Variants in NAGLU observed in about 807,000 individuals in gnomAD.
NAGLU encodes N-acetyl-alpha-glucosaminidase, also known as alpha-N-acetylglucosaminidase.
Under a neutral mutation model 43.4 loss-of-function variants are expected in NAGLU, and 34 were observed. The ratio of observed to expected loss-of-function variants is 0.78; its 90% confidence interval spans 0.60 to 1.04. The LOEUF (loss-of-function observed/expected upper bound fraction) is 1.04, where lower values mean the gene tolerates loss of function less well. Ranked by LOEUF, NAGLU falls within the 50% of genes least tolerant of loss-of-function variation. The pLI is 0.00. For missense variants in NAGLU, 910 were observed against 993.7 expected (o/e 0.92, Z 1.13); for synonymous variants, 425 against 437.6 (o/e 0.97, Z 0.36).
chr17:42,536,399 G>C lies in NAGLU; in HGVS notation c.127G>C (p.Gly43Arg). Reference sequence around the variant, plus strand: ...GCTCGTGGCCCGGCTGCTGGGGCCAGGCCCCGCGGCCGACTTCTCCGTGTC... The same window carrying C: ...GCTCGTGGCCCGGCTGCTGGGGCCACGCCCCGCGGCCGACTTCTCCGTGTC... ...RALVARLLGPGPAADFSVSVE... is the reference protein window; with the variant it reads ...RALVARLLGPRPAADFSVSVE... Residue 43 changes from glycine (G) to arginine (R), a missense_variant, in exon 1 of 6, where the codon GGC (glycine) becomes CGC (arginine). By Grantham distance (125) the Gly-to-Arg change is moderately radical. Coordinates refer to ENST00000225927, the MANE Select transcript of NAGLU (RefSeq NM_000263.4). 1 of 1,229,014 alleles carries C rather than the reference G, an allele frequency of 8.1e-7. No individual in the cohort carries two copies. The highest frequency in any genetic ancestry group is 1.0e-6 in the Non-Finnish European group (1 of 977,410). 76.1% of individuals were successfully genotyped at this position (1,229,014 alleles called of 1,614,324 possible).
chr17:42,538,547 G>A (rs1290619538), intron 3 of NAGLU, 62 bp downstream of exon 3: 3 of 1,613,124 alleles, frequency 1.9e-6, no homozygotes. Flanking sequence ...CCCAGGAAGG[G>A]TGGTATTAGG....
intron 5 of NAGLU, 81 bp from the exon 6 acceptor site, chr17:42,542,947 G>A (rs976785317): frequency 1.3e-5 from 20 of 1,585,264 alleles, no homozygotes; most frequent in South Asian, 4.4e-5. Flanking sequence ...ATAGACAGTC[G>A]TCTGTAGAGT....
rs1452185692 is a variant in NAGLU at position 42,541,003 on chromosome 17, GT to G, written c.820del (p.Ser274ProfsTer26). 2 of 1,614,190 alleles carry G rather than the reference GT, an allele frequency of 1.2e-6. No individual in the cohort carries two copies. Among genetic ancestry groups the G allele is most frequent in the Non-Finnish European group, 1.7e-6 (2 of 1,180,036 alleles). On this transcript the variant is annotated frameshift_variant, in exon 5 of 6. Coordinates refer to ENST00000225927, the MANE Select transcript of NAGLU (RefSeq NM_000263.4). LOFTEE classifies it high-confidence loss of function. ...ATGGGCAGTTGGGGCCACTTTAACT[GT>G]TCCTACTCCTGCTCCTTCCTTCTGG... is the stretch of plus-strand genomic sequence containing the variant. Reference protein sequence around the residue: ...TKMGSWGHFNCSYSCSFLLAP... With the variant: ...TKMGSWGHFNXSYSCSFLLAP...
chr17:42,544,306 C>G lies in NAGLU; in HGVS notation c.*68C>G. 5.0e-6 allele frequency: 8 copies of G among 1,594,918 alleles called. No homozygotes were observed. Among genetic ancestry groups the G allele is most frequent in the Non-Finnish European group, 6.8e-6 (8 of 1,176,698 alleles). On this transcript the variant is annotated 3_prime_UTR_variant, in exon 6 of 6. Coordinates refer to ENST00000225927, the MANE Select transcript of NAGLU (RefSeq NM_000263.4). ...GCAGATTCCAGGGCCCAGAGCTGGA[C>G]AGACATCACAGGATAACCCAGGCCT... is the stretch of plus-strand genomic sequence containing the variant.
rs768251683 is a variant in NAGLU at position 42,537,382 on chromosome 17, A to G, written c.384-16A>G. ...TCCAGGGTGGGATGCGCCCCTGCTCATGACACTGCCCGCAGGTACCGCTAT... is the reference window on the plus strand; with the variant it reads ...TCCAGGGTGGGATGCGCCCCTGCTCGTGACACTGCCCGCAGGTACCGCTAT... On this transcript the variant is annotated splice_polypyrimidine_tract_variant and intron_variant, in intron 1 of 5. Transcript: ENST00000225927. 6.2e-7 allele frequency: 1 copy of G among 1,614,020 alleles called. No individual in the cohort carries two copies. Among genetic ancestry groups the G allele is most frequent in the South Asian group, 1.1e-5 (1 of 91,078 alleles).
rs755082293 is a variant in NAGLU at position 42,536,560 on chromosome 17, C to T, written c.288C>T (p.Phe96=). The T allele has an allele frequency of 5.5e-5, 81 of 1,479,024 alleles. 1 individual carries two copies. Among genetic ancestry groups the T allele is most frequent in the Non-Finnish European group, 1.1e-5 (12 of 1,121,922 alleles). The allele number at this position is 1,479,024 out of a possible 1,614,324, so 91.6% of individuals were successfully genotyped here. The change falls in exon 1 of 6, where the codon TTC becomes TTT. Residue 96 remains phenylalanine (F), a synonymous_variant. Coordinates refer to ENST00000225927, the MANE Select transcript of NAGLU (RefSeq NM_000263.4). ...GGCTGCACCGCTACCTGCGCGACTT[C>T]TGTGGCTGCCACGTGGCCTGGTCCG... The part of the protein sequence containing the change: ...AAGLHRYLRD[F]CGCHVAWSGS...
At chr17:42,543,002 C>G (rs750076356) in intron 5 of NAGLU, 26 bp from the exon 6 acceptor site, 35 of 1,598,668 alleles carry the variant, frequency 2.2e-5, no homozygotes, top group Non-Finnish European at 3.0e-5. Flanking sequence ...CTCCTCTTCT[C>G]TGTTCCCCCT....
chr17:42,541,422 C>CGCGCT (rs2143101326), intron 5 of NAGLU, among the ~76,000 whole-genome samples: 1 of 152,334 alleles, frequency 6.6e-6, no homozygotes, highest in Admixed American at 6.5e-5. Flanking sequence ...GGTCACACCT[C>CGCGCT]GCGCTCCTAT....
Position 42,538,478 on chromosome 17 carries a change from A to G in NAGLU, c.671A>G (p.Tyr224Cys), listed in dbSNP as rs772224894. 2 of 1,613,946 alleles carry G rather than the reference A, an allele frequency of 1.2e-6. No homozygotes were observed. Among genetic ancestry groups the G allele is most frequent in the Non-Finnish European group, 8.5e-7 (1 of 1,179,994 alleles). ...CCCTCCTGGCACATCAAGCAGCTTT[A>G]CCTGCAGGTAAAAGGATGGAAAAGG... ...LPPSWHIKQLYLQHRVLDQMR... is the reference protein window; with the variant it reads ...LPPSWHIKQLCLQHRVLDQMR... The change falls in exon 3 of 6, where the codon TAC (tyrosine) becomes TGC (cysteine). Residue 224 changes from tyrosine to cysteine, a missense_variant. Tyr to Cys is a radical substitution (Grantham distance 194, BLOSUM62 -2). Coordinates refer to ENST00000225927, the MANE Select transcript of NAGLU (RefSeq NM_000263.4).
At position 42,543,201 on chromosome 17, in the gene NAGLU, G is replaced by T; in HGVS notation, c.1195G>T (p.Gly399Cys). The T allele has an allele frequency of 6.2e-7, 1 of 1,614,208 alleles. No individual in the cohort carries two copies. The highest frequency in any genetic ancestry group is 1.1e-5 in the South Asian group (1 of 91,092). The change falls in exon 6 of 6, where the codon GGC becomes TGC. Residue 399 changes from glycine (G) to cysteine (C), a missense_variant. By Grantham distance (159) the Gly-to-Cys change is radical (BLOSUM62 -3). Coordinates refer to ENST00000225927, the MANE Select transcript of NAGLU (RefSeq NM_000263.4). ...GTATACCCGCACTGCCTCCTTCCAG[G>T]GCCAGCCCTTCATCTGGTGCATGCT... is the stretch of plus-strand genomic sequence containing the variant. ...PVYTRTASFQGQPFIWCMLHN... is the reference protein window; with the variant it reads ...PVYTRTASFQCQPFIWCMLHN...
chr17:42,541,354 C>G lies in NAGLU; in HGVS notation c.1021+148C>G, dbSNP rs886685211. 4.8e-6 allele frequency: 6 copies of G among 1,256,560 alleles called. No individual in the cohort carries two copies. In the East Asian group the frequency reaches 1.3e-4, roughly 27 times the overall value. The allele number at this position is 1,256,560 out of a possible 1,614,324, so 77.8% of individuals were successfully genotyped here. On this transcript the variant is annotated intron_variant, in intron 5 of 5. Coordinates refer to ENST00000225927, the MANE Select transcript of NAGLU (RefSeq NM_000263.4). ...AGTTTACCAAGCACGTGTACACATG[C>G]GTTGTCTCAGTGAATCCCACTGTGG...
Position 42,544,294 on chromosome 17 carries a change from C to A in NAGLU, c.*56C>A. ...GCTAATTCCAGGGCAGATTCCAGGG[C>A]CCAGAGCTGGACAGACATCACAGGA... On this transcript the variant is annotated 3_prime_UTR_variant, in exon 6 of 6. Transcript: ENST00000225927. The A allele has an allele frequency of 6.3e-7, 1 of 1,599,150 alleles. No homozygotes were observed. The highest frequency in any genetic ancestry group is 8.5e-7 in the Non-Finnish European group (1 of 1,179,238).
rs1379542961 is a variant in NAGLU, at chr17:42,541,216, C to T, written c.1021+10C>T. 1 of 1,611,918 alleles carries T rather than the reference C, an allele frequency of 6.2e-7. No homozygotes were observed. The highest frequency in any genetic ancestry group is 1.1e-5 in the South Asian group (1 of 91,088). The stretch of plus-strand genomic sequence containing the variant: ...GAGGCCATGACTGCAGGTACAGTGC[C>T]TGGGTGGGGTGGGAGAGCCCCCCAG... On this transcript the variant is annotated intron_variant, in intron 5 of 5. Transcript: ENST00000225927.
intron 5 of NAGLU, 107 bp downstream of exon 5, chr17:42,541,313 A>T: frequency 2.7e-6 from 4 of 1,465,570 alleles, no homozygotes; most frequent in Non-Finnish European, 3.7e-6. Context: ...CCTCGCCATA[A>T]CACACAGTAC....
Position 42,536,482 on chromosome 17 carries a change from CG to C in NAGLU, c.212del (p.Gly71AlafsTer51). 1 of 1,213,600 alleles carries C rather than the reference CG, an allele frequency of 8.2e-7. No individual in the cohort carries two copies. The highest frequency in any genetic ancestry group is 1.0e-6 in the Non-Finnish European group (1 of 978,248). 75.2% of individuals were successfully genotyped at this position (1,213,600 alleles called of 1,614,324 possible). A position where few individuals can be genotyped will look rare whatever the true frequency, so the allele number is the denominator to read the frequency against. On this transcript the variant is annotated frameshift_variant, in exon 1 of 6. Transcript: ENST00000225927. LOFTEE classifies it high-confidence loss of function. ...TGGACACCTACAGCCTGGGCGGCGG[CG>C]GCGCGGCGCGCGTGCGGGTGCGCGG... Reference protein sequence around the residue: ...GLDTYSLGGGGAARVRVRGST... With the variant: ...GLDTYSLGGGXAARVRVRGST...
rs115401566 is a variant in NAGLU, at chr17:42,544,049, G to T, written c.2043G>T (p.Ala681=). 1 of 1,613,196 alleles carries T rather than the reference G, an allele frequency of 6.2e-7. No homozygotes were observed. The highest frequency in any genetic ancestry group is 1.7e-5 in the Admixed American group (1 of 59,818). ...YTPRWRLFLE[A]LVDSVAQGIP... Reference sequence around the variant, plus strand: ...CTCGCTGGCGGCTTTTCCTGGAGGCGCTGGTTGACAGTGTGGCCCAGGGCA... The same window carrying T: ...CTCGCTGGCGGCTTTTCCTGGAGGCTCTGGTTGACAGTGTGGCCCAGGGCA... The change falls in exon 6 of 6, where the codon GCG becomes GCT. Residue 681 remains alanine, a synonymous_variant. Coordinates refer to ENST00000225927, the MANE Select transcript of NAGLU (RefSeq NM_000263.4).
Position 42,541,200 on chromosome 17 carries a change from A to C in NAGLU, c.1015A>C (p.Thr339Pro), listed in dbSNP as rs755652019. The C allele has an allele frequency of 6.2e-7, 1 of 1,612,770 alleles. No homozygotes were observed. The highest frequency in any genetic ancestry group is 8.5e-7 in the Non-Finnish European group (1 of 1,180,026). Residue 339 changes from threonine to proline, a missense_variant, in exon 5 of 6, where the codon ACT becomes CCT. By Grantham distance (38) the Thr-to-Pro change is conservative (BLOSUM62 -1). Transcript: ENST00000225927. Reference sequence around the variant, plus strand: ...CACCACTGCCGTCTATGAGGCCATGACTGCAGGTACAGTGCCTGGGTGGGG... The same window carrying C: ...CACCACTGCCGTCTATGAGGCCATGCCTGCAGGTACAGTGCCTGGGTGGGG... ...AATTAVYEAM[T>P]AVDTEAVWLL...
intron 4 of NAGLU, 27 bp from the exon 5 acceptor site, chr17:42,540,923 A>C: frequency 6.2e-7 from 1 of 1,614,152 alleles, no homozygotes. Context: ...GCTTCCATGA[A>C]ATATCTGAGC....
chr17:42,540,718 A>T (rs983469366), intron 4 of NAGLU, among the ~76,000 whole-genome samples: 1 of 151,286 alleles, frequency 6.6e-6, no homozygotes, highest in Admixed American at 6.6e-5. Context: ...AAAAAGAAAG[A>T]AAAAGGAGCG....
Sources: gnomAD v4.1 joint callset for allele counts (sites outside exome capture counted in the v4.1 genomes callset) on GRCh38, gnomAD v4.1.1 for gene constraint, MANE v1.5 for transcripts, NCBI Gene and HGNC (gene_info 2026-07-23, HGNC 2026-07-21) for gene names.